VWC2L: variants seen among roughly 807,000 people sequenced by gnomAD.
VWC2L encodes von Willebrand factor C domain containing 2 like, also known as von Willebrand factor C domain-containing protein 2-like.
VWC2L carries 10 observed loss-of-function variants against 21.6 expected under a neutral mutation model. That is an observed-to-expected ratio of 0.46 (90% CI 0.29 to 0.78). The LOEUF (loss-of-function observed/expected upper bound fraction) is 0.78. Among genes scored for constraint, VWC2L ranks in the 30% least tolerant of loss-of-function variants. The pLI is 0.10. For synonymous variants in VWC2L, 96 were observed against 94.3 expected, an observed-to-expected ratio of 1.02 and a Z score of -0.10; for missense variants, 209 against 277.1, an observed-to-expected ratio of 0.75 and a Z score of 1.74.
At chr2:214,517,351 G>A (rs1227265511) in intron 3 of VWC2L, among the ~76,000 whole-genome samples, 2 of 152,182 alleles carry the variant, frequency 1.3e-5, no homozygotes, top group Admixed American at 6.5e-5. Context: ...CTGCAGTGAG[G>A]AAGGTGGAGT....
At chr2:214,506,162 A>G (rs1333485613) in intron 3 of VWC2L, among the ~76,000 whole-genome samples, 1 of 152,224 alleles carries the variant, frequency 6.6e-6, no homozygotes. Flanking sequence ...TCCTATCGAC[A>G]TATTTAAGCT....
At chr2:214,545,335 A>G (rs1683851764) in intron 3 of VWC2L, among the ~76,000 whole-genome samples, 1 of 152,216 alleles carries the variant, frequency 6.6e-6, no homozygotes, top group South Asian at 2.1e-4. Flanking sequence ...CTCTTTGCCA[A>G]CACACTGAAT....
intron 3 of VWC2L, among the ~76,000 whole-genome samples, chr2:214,499,729 T>C (rs1574599707): frequency 6.6e-6 from 1 of 152,252 alleles, no homozygotes; most frequent in African/African-American, 2.4e-5. Context: ...TTTTTATTCA[T>C]GCATTGATTG....
chr2:214,492,758 G>T (rs192693157), intron 3 of VWC2L, among the ~76,000 whole-genome samples: 1 of 152,088 alleles, frequency 6.6e-6, no homozygotes. Flanking sequence ...TATGTCTGAT[G>T]TATCAGTCAG....
intron 3 of VWC2L, among the ~76,000 whole-genome samples, chr2:214,466,339 G>A (rs1703217171): frequency 6.6e-6 from 1 of 151,966 alleles, no homozygotes; most frequent in Admixed American, 6.6e-5. Flanking sequence ...TTTCTGACAA[G>A]ATATCTACTG....
At chr2:214,462,336 A>G (rs1703155955) in intron 3 of VWC2L, among the ~76,000 whole-genome samples, 1 of 152,218 alleles carries the variant, frequency 6.6e-6, no homozygotes, top group Admixed American at 6.5e-5. Context: ...CCTGCACTGG[A>G]AAGTGTCTCC....
At chr2:214,422,475 T>C (rs572016425) in intron 2 of VWC2L, among the ~76,000 whole-genome samples, 1 of 152,234 alleles carries the variant, frequency 6.6e-6, no homozygotes, top group Non-Finnish European at 1.5e-5. Context: ...CTGTGTTTTA[T>C]GAAGGACAGC....
Position 214,414,190 on chromosome 2 carries a change from G to A in VWC2L, c.-4G>A, listed in dbSNP as rs1489054457. ...AGCACATCCAGAAGTCTTTGAAGAG[G>A]GGGATGGCTCTTCATATTCATGAAG... is the stretch of plus-strand genomic sequence containing the variant. On this transcript the variant is annotated 5_prime_UTR_variant, in exon 2 of 4. Transcript: ENST00000312504. 12 of 1,607,864 alleles carry A rather than the reference G, an allele frequency of 7.5e-6. No homozygotes were observed. Among genetic ancestry groups the A allele is most frequent in the African/African-American group, 1.3e-5 (1 of 74,432 alleles).
chr2:214,540,554 A>G (rs556029397), intron 3 of VWC2L, among the ~76,000 whole-genome samples: 2 of 152,316 alleles, frequency 1.3e-5, no homozygotes, highest in African/African-American at 4.8e-5. Context: ...ACTCTGGCCT[A>G]TAACCAACAT....
intron 2 of VWC2L, among the ~76,000 whole-genome samples, chr2:214,421,095 GAAGTC>G (rs1203662060): frequency 6.6e-5 from 10 of 152,150 alleles, no homozygotes; most frequent in African/African-American, 2.4e-4. Flanking sequence ...CCAGAGATTA[GAAGTC>G]AATTTTATTA....
intron 3 of VWC2L, among the ~76,000 whole-genome samples, chr2:214,476,772 TTCTC>T (rs149408955): frequency 1.3e-5 from 2 of 152,128 alleles, no homozygotes; most frequent in Non-Finnish European, 2.9e-5. Flanking sequence ...TGTTTTCCCT[TTCTC>T]TCTCTCTCCT....
chr2:214,424,162 A>G (rs193049252), intron 2 of VWC2L, among the ~76,000 whole-genome samples: 11 of 152,330 alleles, frequency 7.2e-5, no homozygotes, highest in African/African-American at 1.9e-4. Context: ...TCAGATTATT[A>G]TAATTCTCAG....
intron 3 of VWC2L, among the ~76,000 whole-genome samples, chr2:214,445,990 A>C (rs979726255): frequency 6.6e-6 from 1 of 152,170 alleles, no homozygotes; most frequent in Non-Finnish European, 1.5e-5. Flanking sequence ...TTATGCATCT[A>C]TTAGGGAAAT....
In VWC2L at chr2:214,501,721, C is replaced by CAA. The variant is rs776608301; in HGVS notation, c.520+64985_520+64986dup. The stretch of plus-strand genomic sequence containing the variant: ...TGGGTGACAGAGCAAGACTCTGTCT[C>CAA]AAAAAAAAAAAAAAAAAAAAAAAGA... On this transcript the variant is annotated intron_variant, in intron 3 of 3. Transcript: ENST00000312504. Among the ~76,000 whole-genome samples the CAA allele has an allele frequency of 9.4e-3, 729 of 77,820 alleles. 9 individuals are homozygous for CAA. The highest frequency in any genetic ancestry group is 0.027 in the Middle Eastern group (4 of 146). 51.1% of individuals were successfully genotyped at this position (77,820 alleles called of 152,430 possible). A position where few individuals can be genotyped will look rare whatever the true frequency, so the allele number is the denominator to read the frequency against.
chr2:214,490,197 T>C (rs2126200715), intron 3 of VWC2L, among the ~76,000 whole-genome samples: 1 of 152,306 alleles, frequency 6.6e-6, no homozygotes, highest in East Asian at 1.9e-4. Context: ...GACCTGGACT[T>C]AGAAGGGCTC....
At chr2:214,488,772 T>C (rs1688707770) in intron 3 of VWC2L, among the ~76,000 whole-genome samples, 1 of 152,158 alleles carries the variant, frequency 6.6e-6, no homozygotes, top group Admixed American at 6.5e-5. Context: ...TTTCCACTCA[T>C]GGCAGAAGGC....
rs569446277 is a variant in VWC2L, at chr2:214,548,885, T to C, written c.521-26787T>C. On this transcript the variant is annotated intron_variant, in intron 3 of 3. Transcript: ENST00000312504. ...TACATGTTGATTCAAGGGGTAGTTT[T>C]TACCTTCTTATTGCTTCTGTAACAA... 6.0e-4 allele frequency among the ~76,000 whole-genome samples: 92 copies of C among 152,302 alleles called. 1 individual carries two copies. The highest frequency in any genetic ancestry group is 1.1e-3 in the Non-Finnish European group (73 of 68,024).
In VWC2L at chr2:214,516,053, C is replaced by CTGCA. The variant is rs542422828; in HGVS notation, c.521-59618_521-59615dup. 1.1e-4 allele frequency among the ~76,000 whole-genome samples: 17 copies of CTGCA among 152,260 alleles called. 1 individual carries two copies. In the South Asian group the frequency reaches 3.3e-3, roughly 30 times the overall value. On this transcript the variant is annotated intron_variant, in intron 3 of 3. Coordinates refer to ENST00000312504, the MANE Select transcript of VWC2L (RefSeq NM_001080500.4). ...TTTTTATTTCATAGGTGATGGTGTG[C>CTGCA]TGCAGCCAGTTGGCACAGACTCTTG... is the stretch of plus-strand genomic sequence containing the variant.
chr2:214,533,829 G>T (rs888775321), intron 3 of VWC2L, among the ~76,000 whole-genome samples: 9 of 152,124 alleles, frequency 5.9e-5, no homozygotes, highest in African/African-American at 2.2e-4. Flanking sequence ...AATTGTTGGA[G>T]TTATCTAAGG....
Sources: gnomAD v4.1 joint callset for allele counts (sites outside exome capture counted in the v4.1 genomes callset) on GRCh38, gnomAD v4.1.1 for gene constraint, MANE v1.5 for transcripts, NCBI Gene and HGNC (gene_info 2026-07-23, HGNC 2026-07-21) for gene names.